GRIN1: variants seen among roughly 807,000 people sequenced by gnomAD.
GRIN1 encodes the protein glutamate ionotropic receptor NMDA type subunit 1.
Under a neutral mutation model 103.0 loss-of-function variants are expected in GRIN1, and 38 were observed. That is an observed-to-expected ratio of 0.37 (90% CI 0.28 to 0.48). The LOEUF (loss-of-function observed/expected upper bound fraction) is 0.48. Ranked by LOEUF, GRIN1 falls within the 20% of genes least tolerant of loss-of-function variation. GRIN1 has a pLI of 0.98. For missense variants in GRIN1, 577 were observed against 1,288.9 expected (o/e 0.45, Z 8.46); for synonymous variants, 544 against 532.7 (o/e 1.02, Z -0.29).
At chr9:137,143,617 C>T (rs1462570600) in intron 2 of GRIN1, among the ~76,000 whole-genome samples, 3 of 152,262 alleles carry the variant, frequency 2.0e-5, no homozygotes, top group Non-Finnish European at 2.9e-5. Context: ...ACAGTCTCTA[C>T]ACTACAACCA....
intron 1 of GRIN1, 62 bp from the exon 2 acceptor site, chr9:137,141,951 G>A: frequency 1.3e-6 from 2 of 1,590,044 alleles, no homozygotes; most frequent in South Asian, 2.2e-5. Context: ...CCAGATCTCA[G>A]CCTCTAACCC....
At chr9:137,142,873 A>G (rs966840836) in intron 2 of GRIN1, among the ~76,000 whole-genome samples, 2 of 152,234 alleles carry the variant, frequency 1.3e-5, no homozygotes, top group African/African-American at 4.8e-5. Flanking sequence ...AGCCTCCTGC[A>G]GACCCTCCTG....
At chr9:137,147,447 T>G (rs1008834106) in intron 3 of GRIN1, among the ~76,000 whole-genome samples, 1 of 150,920 alleles carries the variant, frequency 6.6e-6, no homozygotes, top group South Asian at 2.1e-4. Context: ...CATGCACACA[T>G]GCACACGCAC....
At position 137,139,640 on chromosome 9, in the gene GRIN1, C is replaced by G. The variant is rs950054021; in HGVS notation, c.154C>G (p.Arg52Gly). The G allele has an allele frequency of 5.6e-6, 9 of 1,613,788 alleles. No homozygotes were observed. Among genetic ancestry groups the G allele is most frequent in the Admixed American group, 5.0e-5 (3 of 60,032 alleles). Residue 52 changes from arginine to glycine, a missense_variant, in exon 1 of 20, where the codon CGG becomes GGG. Physicochemically the swap from Arg to Gly is moderately radical, Grantham distance 125. Transcript: ENST00000371561. This position sits in a 1 kb window ranked among gnomAD's most constrained non-coding sequence, Gnocchi z 7.7. ...CGAGGCCGTGAACCAGGCCAACAAG[C>G]GGCACGGCTCCTGGAAGATTCAGCT... Reference protein sequence around the residue: ...FREAVNQANKRHGSWKIQLNA... With the variant: ...FREAVNQANKGHGSWKIQLNA...
chr9:137,148,477 C>A (rs1331673182), intron 3 of GRIN1, among the ~76,000 whole-genome samples: 1 of 152,168 alleles, frequency 6.6e-6, no homozygotes, highest in African/African-American at 2.4e-5. Flanking sequence ...GAAGTGCATG[C>A]GAATCTCCGA....
chr9:137,158,404 G>A lies in GRIN1; in HGVS notation c.994G>A (p.Asp332Asn). The A allele has an allele frequency of 6.2e-7, 1 of 1,613,628 alleles. No individual in the cohort carries two copies. Among genetic ancestry groups the A allele is most frequent in the South Asian group, 1.1e-5 (1 of 91,074 alleles). ...AGTGCTGATGTCTTCCAAGTATGCG[G>A]ATGGGGTGACTGGTCGCGTGGAGTT... ...KRVLMSSKYA[D>N]GVTGRVEFNE... is the part of the protein sequence containing the mutation. Residue 332 changes from aspartate to asparagine, a missense_variant, in exon 7 of 20, where the codon GAT (aspartate) becomes AAT (asparagine). Around this residue, in one of 9 missense-constraint regions of GRIN1, gnomAD observed 308 missense variants for 553.6 expected, o/e 0.56. Coordinates refer to ENST00000371561, the MANE Select transcript of GRIN1 (RefSeq NM_007327.4).
In GRIN1 at chr9:137,162,284, G is replaced by T; in HGVS notation, c.1745G>T (p.Arg582Leu). ...VVAVMLYLLD[R>L]FSPFGRFKVN... ...GCCGTGATGCTGTACCTGCTGGACCGCTTCAGGTGAGCGCGACCCGGGGCT... is the reference window on the plus strand; with the variant it reads ...GCCGTGATGCTGTACCTGCTGGACCTCTTCAGGTGAGCGCGACCCGGGGCT... Residue 582 changes from arginine to leucine, a missense_variant, in exon 12 of 20, where the codon CGC becomes CTC. Arg to Leu is a moderately radical substitution (Grantham distance 102). Coordinates refer to ENST00000371561, the MANE Select transcript of GRIN1 (RefSeq NM_007327.4). 1 of 1,547,652 alleles carries T rather than the reference G, an allele frequency of 6.5e-7. No individual in the cohort carries two copies. Among genetic ancestry groups the T allele is most frequent in the Non-Finnish European group, 8.7e-7 (1 of 1,150,940 alleles).
At chr9:137,142,292 C>T (rs1462514205) in intron 2 of GRIN1, 145 bp downstream of exon 2, 1 of 775,752 alleles carries the variant, frequency 1.3e-6, no homozygotes, top group Non-Finnish European at 2.2e-6. Flanking sequence ...TGCACGTCCA[C>T]ACGCTCTCAC....
rs751120754 is a variant in GRIN1, at chr9:137,161,882, G to A, written c.1468-42G>A. On this transcript the variant is annotated intron_variant, in intron 10 of 19. Coordinates refer to ENST00000371561, the MANE Select transcript of GRIN1 (RefSeq NM_007327.4). ...CGGGGGTACCTGTGGCGGGAGCTGG[G>A]AGGACGCTGCCTGCATGCCCGCCGG... 8 of 1,544,968 alleles carry A rather than the reference G, an allele frequency of 5.2e-6. No individual in the cohort carries two copies. The South Asian group carries it at 8.3e-5, about 16-fold the overall frequency.
At chr9:137,150,982 GA>G (rs1832846945) in intron 4 of GRIN1, among the ~76,000 whole-genome samples, 1 of 84,192 alleles carries the variant, frequency 1.2e-5, no homozygotes, top group Non-Finnish European at 2.3e-5. Flanking sequence ...CCAGCCCAGA[GA>G]AAAGACCCGC....
At position 137,167,865 on chromosome 9, in the gene GRIN1, C is replaced by A; in HGVS notation, c.*338C>A. 6.2e-7 allele frequency: 1 copy of A among 1,604,360 alleles called. No homozygotes were observed. On this transcript the variant is annotated 3_prime_UTR_variant, in exon 20 of 20. Coordinates refer to ENST00000371561, the MANE Select transcript of GRIN1 (RefSeq NM_007327.4). ...TGAGGCCCCCGGAGGCGCCCACCTGCCCAGTTAGCCCGGCCAAGGACACTG... is the reference window on the plus strand; with the variant it reads ...TGAGGCCCCCGGAGGCGCCCACCTGACCAGTTAGCCCGGCCAAGGACACTG...
rs1301624435 is a variant in GRIN1 at position 137,161,430 on chromosome 9, CG to C, written c.1467+19del. On this transcript the variant is annotated intron_variant, in intron 10 of 19. Transcript: ENST00000371561. Reference sequence around the variant, plus strand: ...ACACAGGAGCGGGTAGGCTGGACGGCGGGGGTGGGGACCAGCGTGAGAGGGG... The same window carrying C: ...ACACAGGAGCGGGTAGGCTGGACGGCGGGGTGGGGACCAGCGTGAGAGGGG... 5 of 1,362,482 alleles carry C rather than the reference CG, an allele frequency of 3.7e-6. No homozygotes were observed. The highest frequency in any genetic ancestry group is 4.8e-6 in the Non-Finnish European group (5 of 1,045,112). 84.4% of individuals were successfully genotyped at this position (1,362,482 alleles called of 1,614,324 possible). A position where few individuals can be genotyped will look rare whatever the true frequency, so the allele number is the denominator to read the frequency against.
intron 4 of GRIN1, among the ~76,000 whole-genome samples, chr9:137,150,648 C>A (rs1023113050): frequency 1.4e-5 from 2 of 146,810 alleles, no homozygotes; most frequent in Admixed American, 6.7e-5. Context: ...GAAAAAAGAC[C>A]AGCCCAAGGA....
In GRIN1 at chr9:137,162,102, G is replaced by A. The variant is rs200337681; in HGVS notation, c.1632+14G>A. 1.1e-4 allele frequency: 168 copies of A among 1,518,258 alleles called. No individual in the cohort carries two copies. In the African/African-American group the frequency reaches 2.2e-3, roughly 20 times the overall value. 94.0% of individuals were successfully genotyped at this position (1,518,258 alleles called of 1,614,324 possible). A position where few individuals can be genotyped will look rare whatever the true frequency, so the allele number is the denominator to read the frequency against. ...CTGGTCAAGAAGGTGGGCAGGGGCC[G>A]GGTGGCGGGGTGGCGGCGGGGGGAG... On this transcript the variant is annotated intron_variant, in intron 11 of 19. Coordinates refer to ENST00000371561, the MANE Select transcript of GRIN1 (RefSeq NM_007327.4).
At chr9:137,163,414 C>T in intron 16 of GRIN1, 84 bp downstream of exon 16, 1 of 1,525,702 alleles carries the variant, frequency 6.6e-7, no homozygotes, top group South Asian at 1.1e-5. Context: ...CACTCCGAGG[C>T]CACCACTGAT....
intron 4 of GRIN1, 125 bp from the exon 5 acceptor site, chr9:137,156,544 G>A: frequency 7.2e-7 from 1 of 1,388,940 alleles, no homozygotes; most frequent in South Asian, 1.3e-5. Flanking sequence ...GAGGTCTGCA[G>A]GCTTCGCTCT....
At chr9:137,160,949 G>C in intron 8 of GRIN1, 107 bp from the exon 9 acceptor site, 2 of 1,400,674 alleles carry the variant, frequency 1.4e-6, no homozygotes, top group South Asian at 1.2e-5. Flanking sequence ...TGAGGGGTGC[G>C]TCGGGGATTA....
Position 137,162,422 on chromosome 9 carries a change from G to C in GRIN1, c.1770G>C (p.Lys590Asn). The change falls in exon 13 of 20, where the codon AAG (lysine) becomes AAC (asparagine). Residue 590 changes from lysine (K) to asparagine (N), a missense_variant. Physicochemically the swap from Lys to Asn is moderately conservative, Grantham distance 94 (BLOSUM62 0). Transcript: ENST00000371561. ...LDRFSPFGRF[K>N]VNSEEEEEDA... Reference sequence around the variant, plus strand: ...CCCGCAGCCCCTTCGGCCGGTTCAAGGTGAACAGCGAGGAGGAGGAGGAGG... The same window carrying C: ...CCCGCAGCCCCTTCGGCCGGTTCAACGTGAACAGCGAGGAGGAGGAGGAGG... 1 of 1,607,866 alleles carries C rather than the reference G, an allele frequency of 6.2e-7. No homozygotes were observed. Among genetic ancestry groups the C allele is most frequent in the Non-Finnish European group, 8.5e-7 (1 of 1,179,702 alleles).
chr9:137,158,554 G>A (rs759093068), intron 7 of GRIN1, 31 bp downstream of exon 7: 1 of 1,608,712 alleles, frequency 6.2e-7, no homozygotes, highest in Admixed American at 1.7e-5. Context: ...GGTGGGGGCT[G>A]GGGCCTTAGG....
Sources: gnomAD v4.1 joint callset for allele counts (sites outside exome capture counted in the v4.1 genomes callset) on GRCh38, gnomAD v4.1.1 for gene constraint, gnomAD v4.1.1 regional missense constraint, Gnocchi (gnomAD v3.1) non-coding constraint, MANE v1.5 for transcripts, NCBI Gene and HGNC (gene_info 2026-07-23, HGNC 2026-07-21) for gene names.